Variants in AGBL4 observed in about 807,000 individuals in gnomAD.
The protein encoded by AGBL4 is cytosolic carboxypeptidase 6.
A neutral mutation model predicts 66.4 loss-of-function variants in AGBL4; 58 were observed. The ratio of observed to expected loss-of-function variants is 0.87; its 90% CI spans 0.71 to 1.09. AGBL4 has a LOEUF of 1.09. Ranked by LOEUF, AGBL4 falls within the 50% of genes least tolerant of loss-of-function variation. The pLI, the probability that AGBL4 is intolerant of heterozygous loss-of-function variation, is 0.00. For missense variants in AGBL4, 579 were observed against 631.0 expected (o/e 0.92, Z 0.88); for synonymous variants, 234 against 222.9 (o/e 1.05, Z -0.44).
At chr1:49,490,254 T>C (rs1190508897) in intron 3 of AGBL4, among the ~76,000 whole-genome samples, 2 of 151,846 alleles carry the variant, frequency 1.3e-5, no homozygotes, top group Non-Finnish European at 2.9e-5. Context: ...ATCTTGTTTT[T>C]TCATTCATCT....
intron 9 of AGBL4, among the ~76,000 whole-genome samples, chr1:48,596,035 T>C (rs1644989851): frequency 6.6e-6 from 1 of 152,142 alleles, no homozygotes; most frequent in Admixed American, 6.5e-5. Context: ...ATTATTTCTG[T>C]TTTACAGAGG....
chr1:49,941,295 C>T (rs182278559), intron 1 of AGBL4, among the ~76,000 whole-genome samples: 1 of 152,294 alleles, frequency 6.6e-6, no homozygotes, highest in Non-Finnish European at 1.5e-5. Flanking sequence ...TTCCCAAAAA[C>T]TTCACAGAGG....
intron 5 of AGBL4, among the ~76,000 whole-genome samples, chr1:49,027,275 C>T (rs1165259894): frequency 6.6e-6 from 1 of 151,948 alleles, no homozygotes; most frequent in Non-Finnish European, 1.5e-5. Context: ...ATTCTCCTGC[C>T]TAAGCTTCCC....
At chr1:48,998,774 G>A (rs1053971909) in intron 5 of AGBL4, among the ~76,000 whole-genome samples, 1 of 152,158 alleles carries the variant, frequency 6.6e-6, no homozygotes, top group African/African-American at 2.4e-5. Context: ...TTGTGAAAGA[G>A]AAATGAACGT....
intron 4 of AGBL4, among the ~76,000 whole-genome samples, chr1:49,107,690 TGTGTGAGAGAGAGAGA>T (rs1645320463): frequency 2.8e-5 from 3 of 107,160 alleles, no homozygotes; most frequent in African/African-American, 3.5e-5. Context: ...TGTGTGTGTG[TGTGTGAGAGAGAGAGA>T]GAGAGAGAGA....
chr1:49,300,145 C>A (rs1644717842), intron 3 of AGBL4, among the ~76,000 whole-genome samples: 1 of 152,172 alleles, frequency 6.6e-6, no homozygotes, highest in African/African-American at 2.4e-5. Context: ...ATTCTACCAA[C>A]CATCCTTTGG....
intron 3 of AGBL4, among the ~76,000 whole-genome samples, chr1:49,505,044 G>A (rs1157118480): frequency 6.6e-6 from 1 of 151,734 alleles, no homozygotes; most frequent in African/African-American, 2.4e-5. Flanking sequence ...TTACTATGAG[G>A]CTTACATAAA....
chr1:49,914,084 T>G (rs776698292), intron 1 of AGBL4, among the ~76,000 whole-genome samples: 1 of 152,212 alleles, frequency 6.6e-6, no homozygotes, highest in Non-Finnish European at 1.5e-5. Context: ...AGCAAAGTAT[T>G]TCCTGGCCAC....
At chr1:48,983,251 G>A (rs1659919313) in intron 5 of AGBL4, among the ~76,000 whole-genome samples, 4 of 151,908 alleles carry the variant, frequency 2.6e-5, no homozygotes, top group Admixed American at 1.3e-4. Flanking sequence ...ATAAATTGTC[G>A]CAATTATGGG....
intron 3 of AGBL4, among the ~76,000 whole-genome samples, chr1:49,588,016 T>C (rs1173692241): frequency 6.6e-6 from 1 of 152,076 alleles, no homozygotes; most frequent in African/African-American, 2.4e-5. Context: ...TCACCTAAAG[T>C]TCCTCACCCT....
rs146038089 is a variant in AGBL4, at chr1:49,190,857, A to G, written c.377+54913T>C. ...CAAAAGTGTTCCTGAGAAGTGAAGA[A>G]GAGACCCACTAGAACTAGAAATGTG... On this transcript the variant is annotated intron_variant, in intron 4 of 13. Transcript: ENST00000371839. Among the ~76,000 whole-genome samples the G allele has an allele frequency of 5.3e-5, 8 of 152,282 alleles. No homozygotes were observed. The East Asian group carries it at 1.5e-3, about 29-fold the overall frequency.
chr1:49,063,485 G>GC (rs1644438203), intron 4 of AGBL4, among the ~76,000 whole-genome samples: 23 of 152,312 alleles, frequency 1.5e-4, no homozygotes, highest in Admixed American at 7.2e-4. Context: ...GAGTTTAGAA[G>GC]CAGAGCTTAA....
chr1:49,970,735 A>ACG (rs1296750983), intron 1 of AGBL4, among the ~76,000 whole-genome samples: 1 of 123,650 alleles, frequency 8.1e-6, no homozygotes. Context: ...ACACACACAC[A>ACG]CACACACACA....
chr1:49,914,598 G>C (rs1347214343), intron 1 of AGBL4, among the ~76,000 whole-genome samples: 1 of 152,086 alleles, frequency 6.6e-6, no homozygotes, highest in East Asian at 1.9e-4. Flanking sequence ...GATTCTTCTA[G>C]CCTACTCCTC....
chr1:49,004,998 T>A (rs1234954821), intron 5 of AGBL4, among the ~76,000 whole-genome samples: 5 of 152,180 alleles, frequency 3.3e-5, no homozygotes, highest in African/African-American at 1.2e-4. Context: ...TAACTTCTTA[T>A]GGTAATACTG....
intron 1 of AGBL4, among the ~76,000 whole-genome samples, chr1:49,950,549 C>T (rs568368447): frequency 2.0e-5 from 3 of 151,156 alleles, no homozygotes; most frequent in Non-Finnish European, 4.4e-5. Context: ...CCCCAATAAC[C>T]TATGGAAATA....
chr1:48,909,418 T>C (rs2148878866), intron 5 of AGBL4, among the ~76,000 whole-genome samples: 1 of 152,256 alleles, frequency 6.6e-6, no homozygotes, highest in South Asian at 2.1e-4. Context: ...ATACAGCATG[T>C]TCAGATTAGA....
chr1:49,912,353 G>C (rs563492202), intron 1 of AGBL4, among the ~76,000 whole-genome samples: 191 of 152,304 alleles, frequency 1.3e-3, no homozygotes, highest in Non-Finnish European at 2.4e-3. Flanking sequence ...TGATCTGATG[G>C]TTACTGTAAG....
intron 3 of AGBL4, among the ~76,000 whole-genome samples, chr1:49,631,849 T>C (rs1311011177): frequency 3.3e-5 from 5 of 152,186 alleles, no homozygotes; most frequent in African/African-American, 1.2e-4. Flanking sequence ...GTAGCCAAAG[T>C]TGGCCATCAG....
Sources: allele counts gnomAD v4.1 joint callset (sites outside exome capture counted in the v4.1 genomes callset), GRCh38; gene constraint gnomAD v4.1.1; transcripts MANE v1.5; gene names NCBI Gene and HGNC (gene_info 2026-07-23, HGNC 2026-07-21).